CHN2: variants seen among roughly 807,000 people sequenced by gnomAD.
The protein encoded by CHN2 is beta-chimaerin.
Under a neutral mutation model 56.3 loss-of-function variants are expected in CHN2, and 35 were observed. The observed-to-expected ratio is 0.62, with a 90% CI of 0.47 to 0.82. The LOEUF is 0.82. Among genes scored for constraint, CHN2 ranks in the 40% least tolerant of loss-of-function variants. The pLI is 0.00. For synonymous variants in CHN2, 210 were observed against 212.8 expected (o/e 0.99, Z 0.12); for missense variants, 491 against 580.5 (o/e 0.85, Z 1.58).
intron 4 of CHN2, among the ~76,000 whole-genome samples, chr7:29,394,903 T>TA (rs1801624238): frequency 6.6e-6 from 1 of 152,196 alleles, no homozygotes; most frequent in Non-Finnish European, 1.5e-5. Context: ...ATGTAAAACA[T>TA]ATGAGAGTCT....
intron 6 of CHN2, among the ~76,000 whole-genome samples, chr7:29,477,073 G>T (rs1786670014): frequency 6.6e-6 from 1 of 152,150 alleles, no homozygotes; most frequent in African/African-American, 2.4e-5. Flanking sequence ...AGATAAAAAA[G>T]AGCTCTGTGT....
chr7:29,343,879 C>G (rs1349168951), intron 1 of CHN2, among the ~76,000 whole-genome samples: 4 of 152,122 alleles, frequency 2.6e-5, no homozygotes, highest in Admixed American at 6.5e-5. Flanking sequence ...AACTGCAGGT[C>G]TCTTAGAGAT....
intron 1 of CHN2, among the ~76,000 whole-genome samples, chr7:29,211,195 T>A (rs1037383143): frequency 1.3e-5 from 2 of 151,454 alleles, no homozygotes; most frequent in South Asian, 4.2e-4. Flanking sequence ...CTCAGCCTCC[T>A]GAGGAGCTGG....
intron 1 of CHN2, chr7:29,195,470 A>T (rs529446117): frequency 2.5e-5 from 4 of 158,818 alleles, no homozygotes; most frequent in Non-Finnish European, 5.5e-5. Flanking sequence ...AATTAGCTCT[A>T]TGGAGACACT....
intron 6 of CHN2, among the ~76,000 whole-genome samples, chr7:29,441,585 A>C (rs1021403488): frequency 2.0e-5 from 3 of 152,246 alleles, no homozygotes; most frequent in Non-Finnish European, 4.4e-5. Flanking sequence ...ATATTTCAAC[A>C]ACCAAAAGAC....
At chr7:29,295,659 A>G (rs1793091969) in intron 1 of CHN2, among the ~76,000 whole-genome samples, 1 of 152,180 alleles carries the variant, frequency 6.6e-6, no homozygotes, top group Non-Finnish European at 1.5e-5. Flanking sequence ...GTTTTCTACC[A>G]ATGTTTTCAT....
chr7:29,489,153 T>C (rs1408029096), intron 7 of CHN2, among the ~76,000 whole-genome samples: 1 of 152,250 alleles, frequency 6.6e-6, no homozygotes, highest in African/African-American at 2.4e-5. Flanking sequence ...TCTTTCTGGA[T>C]GACTCTTCTT....
intron 2 of CHN2, chr7:29,186,367 G>A (rs1562815281): frequency 6.6e-6 from 1 of 152,170 alleles, no homozygotes; most frequent in Non-Finnish European, 1.5e-5. Flanking sequence ...TAGATTACCT[G>A]GGCCCAGGAG....
chr7:29,421,379 C>CAGGGAAACGGCTCTGGAAGGA (rs1244608823), intron 6 of CHN2, among the ~76,000 whole-genome samples: 1 of 152,104 alleles, frequency 6.6e-6, no homozygotes, highest in Non-Finnish European at 1.5e-5. Flanking sequence ...GAAGTGTCCT[C>CAGGGAAACGGCTCTGGAAGGA]AGGGAAACGG....
intron 2 of CHN2, among the ~76,000 whole-genome samples, chr7:29,154,976 T>C (rs1217769422): frequency 6.6e-6 from 1 of 152,164 alleles, no homozygotes; most frequent in Admixed American, 6.5e-5. Flanking sequence ...GCAAGTCACA[T>C]CTTACATGGA....
chr7:29,204,250 G>T (rs1057001452), intron 1 of CHN2, among the ~76,000 whole-genome samples: 15 of 128,620 alleles, frequency 1.2e-4, no homozygotes, highest in African/African-American at 5.4e-4. Flanking sequence ...AGTGGAAGTG[G>T]ATTAGGTTCC....
chr7:29,212,942 G>C (rs111727036), intron 1 of CHN2: 268,549 of 1,609,286 alleles, frequency 0.17, 25,038 homozygotes, highest in Non-Finnish European at 0.19. Flanking sequence ...AACATCTAGT[G>C]CTGGAGCAAC....
chr7:29,229,030 C>A (rs1170536454), intron 1 of CHN2, among the ~76,000 whole-genome samples: 1 of 152,198 alleles, frequency 6.6e-6, no homozygotes, highest in Non-Finnish European at 1.5e-5. Flanking sequence ...AGCTTTCACC[C>A]TGAAAGCTCT....
exon 1 of CHN2, chr7:29,146,624 C>T: frequency 2.6e-6 from 4 of 1,550,496 alleles, no homozygotes; most frequent in Non-Finnish European, 2.6e-6. Context: ...TCGTCGTGTC[C>T]CAACCTCCTG....
At chr7:29,156,956 A>T (rs1321133691) in intron 2 of CHN2, among the ~76,000 whole-genome samples, 1 of 152,148 alleles carries the variant, frequency 6.6e-6, no homozygotes, top group African/African-American at 2.4e-5. Flanking sequence ...ACATCAAAAC[A>T]AAAGCTACCC....
intron 1 of CHN2, among the ~76,000 whole-genome samples, chr7:29,336,897 C>A (rs1255218198): frequency 6.6e-6 from 1 of 151,920 alleles, no homozygotes; most frequent in Non-Finnish European, 1.5e-5. Flanking sequence ...TGGCAAACTC[C>A]TACTCATCCG....
intron 7 of CHN2, among the ~76,000 whole-genome samples, chr7:29,482,797 CTTTTTTTTTTTTTTTTT>C (rs375120538): frequency 1.2e-4 from 8 of 64,210 alleles, no homozygotes; most frequent in Admixed American, 6.9e-4. Context: ...GCACTTTTTT[CTTTTTTTTTTTTTTTTT>C]TTTTTTTTTT....
At chr7:29,420,902 C>G (rs12667099) in intron 6 of CHN2, among the ~76,000 whole-genome samples, 117,299 of 151,312 alleles carry the variant, frequency 0.78, 46,478 homozygotes, top group Non-Finnish European at 0.86. Context: ...CCCTGCCCCC[C>G]AGGTTCAAGC....
At chr7:29,173,542 A>G (rs1796882511) in intron 2 of CHN2, among the ~76,000 whole-genome samples, 1 of 152,182 alleles carries the variant, frequency 6.6e-6, no homozygotes, top group Admixed American at 6.5e-5. Context: ...GTCACAAGGC[A>G]ACCAGGAAAG....
Sources: gnomAD v4.1 joint callset for allele counts (sites outside exome capture counted in the v4.1 genomes callset) on GRCh38, gnomAD v4.1.1 for gene constraint, MANE v1.5 for transcripts, NCBI Gene and HGNC (gene_info 2026-07-23, HGNC 2026-07-21) for gene names.